Variants in BRCA1 observed in about 807,000 individuals in gnomAD.
The protein encoded by BRCA1 is BRCA1 DNA repair associated, also known as breast cancer type 1 susceptibility protein.
BRCA1 carries 140 observed loss-of-function variants against 173.7 expected under a neutral mutation model. The ratio of observed to expected loss-of-function variants is 0.81; its 90% CI spans 0.70 to 0.93. BRCA1 has a LOEUF of 0.93. Among genes scored for constraint, BRCA1 ranks in the 40% least tolerant of loss-of-function variants. BRCA1 has a pLI of 0.00. For synonymous variants in BRCA1, 662 were observed against 756.0 expected, an observed-to-expected ratio of 0.88 and a Z score of 2.04; for missense variants, 1,983 against 2,172.5, an observed-to-expected ratio of 0.91 and a Z score of 1.73.
chr17:43,110,974 G>C (rs971207327), intron 3 of BRCA1, among the ~76,000 whole-genome samples: 1 of 151,774 alleles, frequency 6.6e-6, no homozygotes, highest in African/African-American at 2.4e-5. Flanking sequence ...GGTGGTGCAC[G>C]CCTGTAATCC....
chr17:43,134,050 T>TA (rs2055994988), intron 1 of BRCA1, among the ~76,000 whole-genome samples: 1 of 152,246 alleles, frequency 6.6e-6, no homozygotes, highest in Non-Finnish European at 1.5e-5. Flanking sequence ...CAATGCCCTT[T>TA]ACTCACCTAG....
At chr17:43,117,395 T>C (rs2055344272) in intron 2 of BRCA1, among the ~76,000 whole-genome samples, 1 of 151,960 alleles carries the variant, frequency 6.6e-6, no homozygotes, top group Non-Finnish European at 1.5e-5. Flanking sequence ...AGTGAGCCAA[T>C]ATCGTGCCAC....
chr17:43,150,684 G>A (rs1262763763), intron 1 of BRCA1, among the ~76,000 whole-genome samples: 1 of 152,090 alleles, frequency 6.6e-6, no homozygotes, highest in African/African-American at 2.4e-5. Context: ...CCAGTCCTCT[G>A]GGAGGTCCAT....
At chr17:43,097,457 A>ACATACACACTGTAATACAGTGTGGCG (rs1431155098) in intron 7 of BRCA1, among the ~76,000 whole-genome samples, 168 bp from the exon 8 acceptor site, 1 of 152,238 alleles carries the variant, frequency 6.6e-6, no homozygotes, top group African/African-American at 2.4e-5. Context: ...AGAAGTGGTT[A>ACATACACACTGTAATACAGTGTGGCG]AAGGCATGGG....
At chr17:43,146,299 CTTTTTTT>C (rs774223347) in intron 1 of BRCA1, among the ~76,000 whole-genome samples, 37 of 76,116 alleles carry the variant, frequency 4.9e-4, no homozygotes, top group Non-Finnish European at 6.1e-4. Flanking sequence ...ATTTTTGTTA[CTTTTTTT>C]TTTTTTTTTT....
intron 1 of BRCA1, among the ~76,000 whole-genome samples, chr17:43,169,644 C>A (rs1186786441): frequency 6.6e-6 from 1 of 151,830 alleles, no homozygotes; most frequent in Admixed American, 6.6e-5. Context: ...TCAGGTTCCG[C>A]CCCCGCCCCT....
intron 1 of BRCA1, chr17:43,167,294 G>A (rs2056274393): frequency 6.6e-6 from 1 of 152,230 alleles, no homozygotes; most frequent in South Asian, 2.1e-4. Context: ...GAAGGAAGGG[G>A]TTTATTAGGC....
chr17:43,138,750 GAGGTAGAAGTC>G (rs1486828268), intron 1 of BRCA1: 1 of 779,140 alleles, frequency 1.3e-6, no homozygotes, highest in Admixed American at 1.7e-5. Flanking sequence ...ATGTGGAAAG[GAGGTAGAAGTC>G]ATCCTTTCCT....
At chr17:43,139,155 A>T (rs1296536204) in intron 1 of BRCA1, among the ~76,000 whole-genome samples, 1 of 150,328 alleles carries the variant, frequency 6.7e-6, no homozygotes, top group African/African-American at 2.4e-5. Flanking sequence ...TTCCTGAAAG[A>T]TGGGGGTGCT....
intron 19 of BRCA1, among the ~76,000 whole-genome samples, chr17:43,053,035 C>G (rs149958317): frequency 6.6e-6 from 1 of 151,980 alleles, no homozygotes; most frequent in Non-Finnish European, 1.5e-5. Flanking sequence ...CACCACCACA[C>G]CCGGCTAATT....
chr17:43,057,393 C>T (rs1380438650), intron 18 of BRCA1, among the ~76,000 whole-genome samples: 1 of 152,066 alleles, frequency 6.6e-6, no homozygotes, highest in South Asian at 2.1e-4. Flanking sequence ...CACCTGTAAT[C>T]CCAGCTACTT....
At position 43,044,504 on chromosome 17, in the gene BRCA1, T is replaced by C; in HGVS notation, c.*1174A>G. 2 of 507,714 alleles carry C rather than the reference T, an allele frequency of 3.9e-6. No homozygotes were observed. The highest frequency in any genetic ancestry group is 1.5e-5 in the South Asian group (1 of 64,920). 31.5% of individuals were successfully genotyped at this position (507,714 alleles called of 1,614,324 possible). On this transcript the variant is annotated 3_prime_UTR_variant, in exon 23 of 23. Transcript: ENST00000357654. ...AAGCAAAATTATTTATGAAGCTGTA[T>C]GGTTTCAGCAACAGGGAGCAAAGGA...
chr17:43,089,269 G>A (rs12150042), intron 11 of BRCA1, among the ~76,000 whole-genome samples: 1 of 151,946 alleles, frequency 6.6e-6, no homozygotes, highest in Non-Finnish European at 1.5e-5. Flanking sequence ...GTTGCAGTGA[G>A]CCAAAATTGT....
chr17:43,129,477 C>CT (rs953609558), upstream of BRCA1, among the ~76,000 whole-genome samples: 36 of 148,798 alleles, frequency 2.4e-4, no homozygotes, highest in East Asian at 5.9e-4. Flanking sequence ...TCTTTTTTTT[C>CT]TTTTTTTTTT....
intron 1 of BRCA1, chr17:43,145,247 A>G: frequency 1.5e-6 from 1 of 689,192 alleles, no homozygotes; most frequent in Non-Finnish European, 2.8e-6. Context: ...TAAAGAAGCC[A>G]AGTCTGATGA....
intron 12 of BRCA1, among the ~76,000 whole-genome samples, chr17:43,080,099 G>A (rs554282444): frequency 3.9e-4 from 59 of 152,236 alleles, no homozygotes; most frequent in Non-Finnish European, 7.2e-4. Flanking sequence ...CCAAGTTTCA[G>A]AATATTATTG....
intron 3 of BRCA1, among the ~76,000 whole-genome samples, chr17:43,114,662 G>A (rs1396914742): frequency 6.6e-6 from 1 of 152,110 alleles, no homozygotes. Context: ...GGCAGGGGTT[G>A]TAGGGTAAGA....
intron 6 of BRCA1, among the ~76,000 whole-genome samples, chr17:43,100,736 ATGTT>A (rs1460657231): frequency 9.2e-6 from 1 of 108,218 alleles, no homozygotes; most frequent in African/African-American, 3.4e-5. Flanking sequence ...ATGTGTATAT[ATGTT>A]TTTTTTTTTT....
chr17:43,099,938 C>G (rs1489415451), intron 6 of BRCA1, 58 bp from the exon 7 acceptor site: 1 of 1,339,816 alleles, frequency 7.5e-7, no homozygotes, highest in Non-Finnish European at 1.1e-6. Context: ...TGCTTTTCCT[C>G]CTGAAGAGAA....
Sources: allele counts gnomAD v4.1 joint callset (sites outside exome capture counted in the v4.1 genomes callset), GRCh38; gene constraint gnomAD v4.1.1; transcripts MANE v1.5; gene names NCBI Gene and HGNC (gene_info 2026-07-23, HGNC 2026-07-21).